The following QSOX1 variants were observed in gnomAD, a reference collection of about 807,000 sequenced individuals.
The protein encoded by QSOX1 is sulfhydryl oxidase 1.
Under a neutral mutation model 76.1 loss-of-function variants are expected in QSOX1, and 40 were observed. The observed-to-expected ratio is 0.53, with a 90% CI of 0.41 to 0.68. QSOX1 has a LOEUF of 0.68. Ranked by LOEUF, QSOX1 falls within the 30% of genes least tolerant of loss-of-function variation. The pLI, the probability that QSOX1 is intolerant of heterozygous loss-of-function variation, is 0.00. For missense variants in QSOX1, 931 were observed against 974.3 expected (o/e 0.96, Z 0.59); for synonymous variants, 392 against 413.1 (o/e 0.95, Z 0.62).
At position 180,199,795 on chromosome 1, in the gene QSOX1, A is replaced by AG. The variant is rs11414836; in HGVS notation, c.*2762dup. On this transcript the variant is annotated 3_prime_UTR_variant, in exon 12 of 12. Coordinates refer to ENST00000367602, the MANE Select transcript of QSOX1 (RefSeq NM_002826.5). ...GAAGGATGGGAAGCCAGGAAGTGGGAGGGGTGGGGGTCCAGGCTGGAGGGG... is the reference window on the plus strand; with the variant it reads ...GAAGGATGGGAAGCCAGGAAGTGGGAGGGGGTGGGGGTCCAGGCTGGAGGGG... The AG allele has an allele frequency of 0.11, 15,758 of 147,114 alleles. 1,138 individuals are homozygous for AG. Among genetic ancestry groups the AG allele is most frequent in the Middle Eastern group, 0.19 (54 of 286 alleles). 9.1% of individuals were successfully genotyped at this position (147,114 alleles called of 1,614,324 possible).
chr1:180,190,239 G>A (rs1272577929), intron 9 of QSOX1, among the ~76,000 whole-genome samples, 194 bp from the exon 10 acceptor site: 1 of 152,256 alleles, frequency 6.6e-6, no homozygotes, highest in Non-Finnish European at 1.5e-5. Flanking sequence ...ACGGGATGCA[G>A]CTTGATCTGG....
At chr1:180,165,700 C>T (rs1456537565) in intron 1 of QSOX1, among the ~76,000 whole-genome samples, 1 of 152,256 alleles carries the variant, frequency 6.6e-6, no homozygotes, top group Non-Finnish European at 1.5e-5. Context: ...CTGGAGCAGC[C>T]TCCATGTGGG....
rs113079081 is a variant in QSOX1, at chr1:180,189,801, C to T, written c.1140+127C>T. On this transcript the variant is annotated intron_variant, in intron 9 of 11. Coordinates refer to ENST00000367602, the MANE Select transcript of QSOX1 (RefSeq NM_002826.5). ...GGGAGTCAGTGATCTTCGTTGGGTC[C>T]TAACAATAATCAATAAATGACTATT... 21 of 1,072,946 alleles carry T rather than the reference C, an allele frequency of 2.0e-5. No homozygotes were observed. The African/African-American group carries it at 2.6e-4, about 13-fold the overall frequency. The allele number at this position is 1,072,946 out of a possible 1,614,324, so 66.5% of individuals were successfully genotyped here.
rs867195487 is a variant in QSOX1 at position 180,197,251 on chromosome 1, C to T, written c.*214C>T. ...CAGGAGCAGGGTCCAGGTTCCCCTG[C>T]TGTGCAGGGAGGGCAGCCCCGGGCA... On this transcript the variant is annotated 3_prime_UTR_variant, in exon 12 of 12. Coordinates refer to ENST00000367602, the MANE Select transcript of QSOX1 (RefSeq NM_002826.5). 6.2e-7 allele frequency: 1 copy of T among 1,607,598 alleles called. No individual in the cohort carries two copies. Among genetic ancestry groups the T allele is most frequent in the Non-Finnish European group, 8.5e-7 (1 of 1,177,540 alleles).
chr1:180,160,799 G>A (rs188106097), intron 1 of QSOX1, among the ~76,000 whole-genome samples: 5 of 152,304 alleles, frequency 3.3e-5, no homozygotes, highest in Non-Finnish European at 5.9e-5. Context: ...TAGCGTACAC[G>A]TCAGGCATGA....
chr1:180,156,089 T>C (rs1662371045), intron 1 of QSOX1, among the ~76,000 whole-genome samples: 1 of 152,214 alleles, frequency 6.6e-6, no homozygotes, highest in Non-Finnish European at 1.5e-5. Flanking sequence ...CACTTAAGAC[T>C]TAGAGTCGAG....
rs952484279 is a variant in QSOX1 at position 180,183,985 on chromosome 1, C to G, written c.822C>G (p.Ala274=). The change falls in exon 7 of 12, where the codon GCC becomes GCG. Residue 274 remains alanine, a synonymous_variant. Transcript: ENST00000367602. ...QRLSGLTREA[A]QTTVAPTTAN... ...TCTCTGGGCTCACCAGGGAGGCTGC[C>G]CAGACCACAGTTGCACCAACCACTG... The G allele has an allele frequency of 2.5e-6, 4 of 1,614,094 alleles. No homozygotes were observed. The highest frequency in any genetic ancestry group is 1.3e-5 in the African/African-American group (1 of 75,032).
intron 1 of QSOX1, among the ~76,000 whole-genome samples, chr1:180,164,416 AC>A (rs1475490366): frequency 1.3e-5 from 2 of 151,710 alleles, no homozygotes; most frequent in Non-Finnish European, 2.9e-5. Flanking sequence ...CCTCTTCCCA[AC>A]CCCCCACCCA....
intron 1 of QSOX1, 143 bp downstream of exon 1, chr1:180,155,315 A>C (rs3820312): frequency 0.39 from 294,633 of 758,170 alleles, 62,945 homozygotes; most frequent in African/African-American, 0.76. Flanking sequence ...TCCCACGCCC[A>C]CCACCTTCAT....
rs759933269 is a variant in QSOX1 at position 180,166,582 on chromosome 1, G to A, written c.357G>A (p.Pro119=). 53 of 1,613,660 alleles carry A rather than the reference G, an allele frequency of 3.3e-5. No individual in the cohort carries two copies. Among genetic ancestry groups the A allele is most frequent in the Non-Finnish European group, 4.0e-5 (47 of 1,179,806 alleles). The change falls in exon 2 of 12, where the codon CCG becomes CCA. Residue 119 remains proline (P), a synonymous_variant. Coordinates refer to ENST00000367602, the MANE Select transcript of QSOX1 (RefSeq NM_002826.5). ...GAGACTTCAACATCCCTGGCTTCCCGACTGTGAGGGTGTGTGACTGACAGG... is the reference window on the plus strand; with the variant it reads ...GAGACTTCAACATCCCTGGCTTCCCAACTGTGAGGGTGTGTGACTGACAGG... ...VCRDFNIPGF[P]TVRFFKAFTK...
intron 8 of QSOX1, among the ~76,000 whole-genome samples, chr1:180,187,515 A>T (rs960746845): frequency 1.3e-5 from 2 of 152,188 alleles, no homozygotes; most frequent in Non-Finnish European, 2.9e-5. Context: ...TCTCCAAAGG[A>T]GTCACCCCAG....
At chr1:180,175,129 C>A (rs1341170405) in intron 2 of QSOX1, among the ~76,000 whole-genome samples, 192 bp from the exon 3 acceptor site, 9 of 150,556 alleles carry the variant, frequency 6.0e-5, no homozygotes, top group African/African-American at 2.2e-4. Context: ...TGCACTCCAG[C>A]CTGAGCGACA....
At chr1:180,155,924 A>G (rs1393714945) in intron 1 of QSOX1, among the ~76,000 whole-genome samples, 1 of 152,130 alleles carries the variant, frequency 6.6e-6, no homozygotes, top group Non-Finnish European at 1.5e-5. Flanking sequence ...TGGTTGGGGC[A>G]CCAAAACTAT....
intron 2 of QSOX1, among the ~76,000 whole-genome samples, chr1:180,169,962 G>A (rs929218310): frequency 6.6e-6 from 1 of 152,238 alleles, no homozygotes; most frequent in Non-Finnish European, 1.5e-5. Flanking sequence ...GTTTGGCTGG[G>A]AGAGAGGAGG....
At position 180,197,461 on chromosome 1, in the gene QSOX1, T is replaced by A; in HGVS notation, c.*424T>A. 6.9e-7 allele frequency: 1 copy of A among 1,448,196 alleles called. No individual in the cohort carries two copies. The highest frequency in any genetic ancestry group is 9.6e-7 in the Non-Finnish European group (1 of 1,041,010). 89.7% of individuals were successfully genotyped at this position (1,448,196 alleles called of 1,614,324 possible). A position where few individuals can be genotyped will look rare whatever the true frequency, so the allele number is the denominator to read the frequency against. ...GGTGGGCTGGAATGGAACTCCTCAC[T>A]AGCTGCTGGGGCTCCGCCCACCCTG... On this transcript the variant is annotated 3_prime_UTR_variant, in exon 12 of 12. Transcript: ENST00000367602.
In QSOX1 at chr1:180,182,313, TC is replaced by T; in HGVS notation, c.750del (p.Val251CysfsTer36). 6.2e-7 allele frequency: 1 copy of T among 1,614,134 alleles called. No homozygotes were observed. ...LLFRNGSVSR[V>X]PVLMESRSFY... ...TTCCGGAATGGCTCTGTCTCCCGAG[TC>T]CCCGTGTGAGTATCCTGTCTCCTGG... On this transcript the variant is annotated frameshift_variant, in exon 6 of 12. Coordinates refer to ENST00000367602, the MANE Select transcript of QSOX1 (RefSeq NM_002826.5). LOFTEE classifies it high-confidence loss of function.
chr1:180,181,141 G>A (rs1450771156), intron 5 of QSOX1, among the ~76,000 whole-genome samples: 1 of 152,084 alleles, frequency 6.6e-6, no homozygotes, highest in African/African-American at 2.4e-5. Context: ...ATGCAATACA[G>A]GTTAGCTAGT....
chr1:180,167,733 G>C (rs1384031057), intron 2 of QSOX1, among the ~76,000 whole-genome samples: 1 of 152,228 alleles, frequency 6.6e-6, no homozygotes, highest in Non-Finnish European at 1.5e-5. Context: ...TCTCCTGATA[G>C]CGAACCAACA....
intron 1 of QSOX1, among the ~76,000 whole-genome samples, chr1:180,162,407 G>A (rs186852268): frequency 7.1e-4 from 108 of 152,212 alleles, no homozygotes; most frequent in African/African-American, 2.5e-3. Context: ...TTGATTTTGG[G>A]AAGTTTGTAC....
Sources: allele counts gnomAD v4.1 joint callset (sites outside exome capture counted in the v4.1 genomes callset), GRCh38; gene constraint gnomAD v4.1.1; transcripts MANE v1.5; gene names NCBI Gene and HGNC (gene_info 2026-07-23, HGNC 2026-07-21).